CRACR2A: variants seen among roughly 807,000 people sequenced by gnomAD.
The protein encoded by CRACR2A is EF-hand calcium-binding domain-containing protein 4B.
In CRACR2A, 79 loss-of-function variants were observed where a neutral mutation model predicts 90.5. The observed-to-expected ratio is 0.87, with a 90% CI of 0.73 to 1.05. CRACR2A has a LOEUF of 1.05. CRACR2A is among the 50% of genes least tolerant of loss of function. The pLI is 0.00. For missense variants in CRACR2A, 823 were observed against 897.2 expected (o/e 0.92, Z 1.06); for synonymous variants, 338 against 356.7 (o/e 0.95, Z 0.59).
chr12:3,685,990 A>G (rs1037568887), intron 4 of CRACR2A, among the ~76,000 whole-genome samples: 3 of 152,224 alleles, frequency 2.0e-5, no homozygotes, highest in Non-Finnish European at 4.4e-5. Context: ...AGGGATTTCC[A>G]GGTCCCAGTC....
intron 1 of CRACR2A, among the ~76,000 whole-genome samples, chr12:3,752,788 T>G (rs1017380639): frequency 7.9e-5 from 12 of 151,978 alleles, no homozygotes; most frequent in Non-Finnish European, 1.2e-4. Flanking sequence ...TCGGCTCTCC[T>G]CCAGTCCCGT....
intron 7 of CRACR2A, among the ~76,000 whole-genome samples, chr12:3,666,692 C>T (rs1006341251): frequency 1.3e-5 from 2 of 152,262 alleles, no homozygotes; most frequent in African/African-American, 4.8e-5. Flanking sequence ...ATCACTGGAG[C>T]TCCAGCTAAC....
intron 3 of CRACR2A, among the ~76,000 whole-genome samples, chr12:3,702,473 GTA>G: frequency 6.6e-6 from 1 of 152,018 alleles, no homozygotes; most frequent in East Asian, 1.9e-4. Flanking sequence ...CACACACTCA[GTA>G]TATGATAATC....
chr12:3,706,796 G>A (rs1419110193), intron 3 of CRACR2A, among the ~76,000 whole-genome samples: 3 of 152,024 alleles, frequency 2.0e-5, no homozygotes, highest in Non-Finnish European at 4.4e-5. Context: ...TAGAGTCGGG[G>A]TTTCACCACG....
chr12:3,645,587 C>A (rs1330669152), intron 11 of CRACR2A, among the ~76,000 whole-genome samples: 1 of 152,118 alleles, frequency 6.6e-6, no homozygotes, highest in Non-Finnish European at 1.5e-5. Flanking sequence ...TGGATGGGTG[C>A]TAAGAACAGA....
intron 14 of CRACR2A, among the ~76,000 whole-genome samples, chr12:3,635,537 C>CA (rs1024211868): frequency 2.9e-4 from 44 of 152,268 alleles, no homozygotes; most frequent in African/African-American, 1.0e-3. Context: ...GACAGGGTCA[C>CA]ATTCTGTTGC....
chr12:3,624,191 T>C (rs959413264), intron 17 of CRACR2A, among the ~76,000 whole-genome samples: 1 of 152,218 alleles, frequency 6.6e-6, no homozygotes, highest in Non-Finnish European at 1.5e-5. Context: ...TTTTCTTGTA[T>C]GCTTTTCAGG....
chr12:3,643,899 A>C (rs1436818689), intron 12 of CRACR2A, among the ~76,000 whole-genome samples: 1 of 115,412 alleles, frequency 8.7e-6, no homozygotes, highest in African/African-American at 3.3e-5. Flanking sequence ...TATATAATAT[A>C]TATTATATAT....
intron 1 of CRACR2A, among the ~76,000 whole-genome samples, chr12:3,743,039 A>G (rs1946552234): frequency 6.6e-6 from 1 of 152,250 alleles, no homozygotes; most frequent in African/African-American, 2.4e-5. Flanking sequence ...TTGGCACTAA[A>G]TCACTACAAT....
chr12:3,678,838 T>C, intron 6 of CRACR2A, 77 bp downstream of exon 6: 1 of 1,467,360 alleles, frequency 6.8e-7, no homozygotes, highest in Non-Finnish European at 9.2e-7. Flanking sequence ...GGTTAACAAA[T>C]GTTAATTGTT....
chr12:3,723,882 C>T (rs1470647390), intron 2 of CRACR2A, among the ~76,000 whole-genome samples: 1 of 152,146 alleles, frequency 6.6e-6, no homozygotes, highest in Non-Finnish European at 1.5e-5. Context: ...AGTCATATGA[C>T]GGTGTCCATA....
At chr12:3,752,853 G>A (rs950562491) in intron 1 of CRACR2A, among the ~76,000 whole-genome samples, 162 bp downstream of exon 1, 1 of 151,704 alleles carries the variant, frequency 6.6e-6, no homozygotes, top group Admixed American at 6.5e-5. Flanking sequence ...GGTGGCAGGG[G>A]AGCCAGCTGT....
chr12:3,725,059 G>A (rs1946239185), intron 2 of CRACR2A, among the ~76,000 whole-genome samples: 1 of 152,170 alleles, frequency 6.6e-6, no homozygotes, highest in African/African-American at 2.4e-5. Flanking sequence ...GACAGTCGCT[G>A]TCCTATAATA....
Position 3,627,641 on chromosome 12 carries a change from T to C in CRACR2A, c.1801A>G (p.Thr601Ala). Reference protein sequence around the residue: ...NSQVALQLWDTAGQERYRCIT... With the variant: ...NSQVALQLWDAAGQERYRCIT... ...GCTCCTCACCTCTCCTGCCCAGCCG[T>C]GTCCCACAGCTGCAGGGCCACCTGA... is the stretch of plus-strand genomic sequence containing the variant. The change falls in exon 16 of 20, where the codon ACG (threonine) becomes GCG (alanine). Residue 601 changes from threonine (T) to alanine (A), a missense_variant. By Grantham distance (58) the Thr-to-Ala change is moderately conservative (BLOSUM62 0). Transcript: ENST00000440314. The C allele has an allele frequency of 6.4e-7, 1 of 1,551,792 alleles. No individual in the cohort carries two copies. Among genetic ancestry groups the C allele is most frequent in the Non-Finnish European group, 8.7e-7 (1 of 1,147,006 alleles).
intron 14 of CRACR2A, among the ~76,000 whole-genome samples, chr12:3,635,371 TTTTAA>T (rs1244263054): frequency 6.6e-6 from 1 of 152,208 alleles, no homozygotes; most frequent in East Asian, 1.9e-4. Context: ...CCTTCATGCT[TTTTAA>T]TTTAAAAAAT....
In CRACR2A at chr12:3,633,832, C is replaced by T; in HGVS notation, c.1603-96G>A. ...CCCTTTACCCATCCCTACAGTGGCCCTCAGGAGGTGCAGACCGGCCTCTAG... is the reference window on the plus strand; with the variant it reads ...CCCTTTACCCATCCCTACAGTGGCCTTCAGGAGGTGCAGACCGGCCTCTAG... On this transcript the variant is annotated intron_variant, in intron 14 of 19. Transcript: ENST00000440314. This position sits in a 1 kb window ranked among gnomAD's most constrained non-coding sequence, Gnocchi z 4.5. 1 of 1,508,636 alleles carries T rather than the reference C, an allele frequency of 6.6e-7. No individual in the cohort carries two copies. Among genetic ancestry groups the T allele is most frequent in the East Asian group, 2.5e-5 (1 of 40,670 alleles). 93.5% of individuals were successfully genotyped at this position (1,508,636 alleles called of 1,614,324 possible). A position where few individuals can be genotyped will look rare whatever the true frequency, so the allele number is the denominator to read the frequency against.
At chr12:3,734,201 T>A (rs1052043841) in intron 1 of CRACR2A, among the ~76,000 whole-genome samples, 1 of 151,802 alleles carries the variant, frequency 6.6e-6, no homozygotes, top group African/African-American at 2.4e-5. Flanking sequence ...ATGGTCTCTA[T>A]CTCCTGACCT....
intron 7 of CRACR2A, among the ~76,000 whole-genome samples, chr12:3,665,225 C>T (rs1302583280): frequency 6.6e-6 from 1 of 152,170 alleles, no homozygotes; most frequent in Non-Finnish European, 1.5e-5. Flanking sequence ...CAGTCATGAG[C>T]ACTAATATTT....
intron 17 of CRACR2A, among the ~76,000 whole-genome samples, chr12:3,622,654 G>A (rs898170839): frequency 4.6e-5 from 7 of 152,076 alleles, no homozygotes; most frequent in Admixed American, 6.5e-5. Context: ...GTGTGCGTGC[G>A]TTTTAATATC....
Sources: allele counts gnomAD v4.1 joint callset (sites outside exome capture counted in the v4.1 genomes callset), GRCh38; gene constraint gnomAD v4.1.1; non-coding constraint Gnocchi (gnomAD v3.1); transcripts MANE v1.5; gene names NCBI Gene and HGNC (gene_info 2026-07-23, HGNC 2026-07-21).